MDN1: variants seen among roughly 807,000 people sequenced by gnomAD.
MDN1 encodes midasin AAA ATPase 1, also known as midasin.
MDN1 carries 266 observed loss-of-function variants against 669.2 expected under a neutral mutation model. The ratio of observed to expected loss-of-function variants is 0.40; its 90% CI spans 0.36 to 0.44. MDN1 has a LOEUF of 0.44. MDN1 is among the 20% of genes least tolerant of loss of function. MDN1 has a pLI of 1.00. For synonymous variants in MDN1, 2,385 were observed against 2,457.1 expected, an observed-to-expected ratio of 0.97 and a Z score of 0.87; for missense variants, 5,940 against 6,754.0, an observed-to-expected ratio of 0.88 and a Z score of 4.22.
At position 89,688,065 on chromosome 6, in the gene MDN1, G is replaced by C; in HGVS notation, c.11355+13C>G. ...ACCACCAACTAAAATGAGGAAGAGA[G>C]GTATTAGCTCACCTGTGCCTTTGCC... On this transcript the variant is annotated intron_variant, in intron 67 of 101. Coordinates refer to ENST00000369393, the MANE Select transcript of MDN1 (RefSeq NM_014611.3). The C allele has an allele frequency of 6.2e-7, 1 of 1,602,624 alleles. No homozygotes were observed. Among genetic ancestry groups the C allele is most frequent in the Non-Finnish European group, 8.6e-7 (1 of 1,169,566 alleles).
Position 89,727,944 on chromosome 6 carries a change from G to A in MDN1, c.5361C>T (p.Asp1787=), listed in dbSNP as rs1815342538. ...CAACAGGTAGATCTGCTCCAAACAG[G>A]TCTGTGATGTCCTTTGAAAGGGGAA... The part of the protein sequence containing the change: ...INLSEQTDIT[D]LFGADLPVEG... The change falls in exon 37 of 102, where the codon GAC becomes GAT. Residue 1787 remains aspartate (D), a synonymous_variant. Transcript: ENST00000369393. 3.1e-6 allele frequency: 5 copies of A among 1,611,772 alleles called. No homozygotes were observed. The East Asian group carries it at 1.1e-4, about 36-fold the overall frequency.
At chr6:89,673,151 G>C (rs1482042791) in intron 80 of MDN1, 85 bp downstream of exon 80, 2 of 1,193,982 alleles carry the variant, frequency 1.7e-6, no homozygotes, top group East Asian at 4.7e-5. Context: ...AAAATATAAT[G>C]TGTCTTTTGG....
intron 12 of MDN1, 140 bp downstream of exon 12, chr6:89,776,460 G>T: frequency 1.6e-6 from 1 of 610,928 alleles, no homozygotes; most frequent in Non-Finnish European, 2.8e-6. Flanking sequence ...GCCCACGAGA[G>T]GCTGCAATAA....
chr6:89,774,574 T>C, intron 13 of MDN1, 47 bp downstream of exon 13: 2 of 1,423,810 alleles, frequency 1.4e-6, no homozygotes, highest in East Asian at 4.6e-5. Context: ...TTCTGTCAAG[T>C]TTCTGGAAAC....
intron 48 of MDN1, 116 bp downstream of exon 48, chr6:89,712,459 G>T (rs967962382): frequency 6.3e-6 from 7 of 1,102,644 alleles, no homozygotes; most frequent in African/African-American, 1.6e-5. Context: ...AACTATGACA[G>T]CTACACAATA....
intron 75 of MDN1, 117 bp downstream of exon 75, chr6:89,678,482 A>C: frequency 8.2e-7 from 1 of 1,221,168 alleles, no homozygotes; most frequent in South Asian, 1.5e-5. Flanking sequence ...CCTTGCCTGT[A>C]CCTTCTGTTG....
intron 2 of MDN1, among the ~76,000 whole-genome samples, chr6:89,798,199 A>AAAAG (rs1562231459): frequency 1.3e-5 from 2 of 150,724 alleles, no homozygotes; most frequent in African/African-American, 2.4e-5. Flanking sequence ...AAAAAAAAAA[A>AAAAG]AAAGAAAGAA....
At chr6:89,648,464 C>T (rs1409718352) in intron 97 of MDN1, 135 bp from the exon 98 acceptor site, 8 of 743,358 alleles carry the variant, frequency 1.1e-5, no homozygotes, top group Middle Eastern at 7.5e-4. Context: ...ATCAGTAAGG[C>T]TACTATAGTC....
intron 75 of MDN1, 54 bp downstream of exon 75, chr6:89,678,545 C>A: frequency 6.3e-7 from 1 of 1,581,544 alleles, no homozygotes; most frequent in Non-Finnish European, 8.6e-7. Context: ...CATGTCATTT[C>A]TCTCCCTAAA....
chr6:89,701,800 G>T, intron 54 of MDN1, 104 bp downstream of exon 54: 1 of 1,517,228 alleles, frequency 6.6e-7, no homozygotes, highest in South Asian at 1.3e-5. Context: ...ATATGCCAAG[G>T]GAATAAACCA....
chr6:89,644,368 G>A (rs1479330470), intron 101 of MDN1, among the ~76,000 whole-genome samples, 175 bp from the exon 102 acceptor site: 2 of 152,098 alleles, frequency 1.3e-5, no homozygotes, highest in African/African-American at 2.4e-5. Context: ...TAAGAAGGAG[G>A]TAGATGTCTT....
At position 89,650,962 on chromosome 6, in the gene MDN1, AC is replaced by A. The variant is rs1209574077; in HGVS notation, c.15916-116del. ...AAAATGACCTGCATGAACTTTCTCA[AC>A]AGAAGCACTTTAAATCTTCTCCCAG... On this transcript the variant is annotated intron_variant, in intron 95 of 101. Coordinates refer to ENST00000369393, the MANE Select transcript of MDN1 (RefSeq NM_014611.3). 1.4e-5 allele frequency: 10 copies of A among 697,250 alleles called. No homozygotes were observed. In the African/African-American group the frequency reaches 1.6e-4, roughly 11 times the overall value. 43.2% of individuals were successfully genotyped at this position (697,250 alleles called of 1,614,324 possible).
In MDN1 at chr6:89,670,923, T is replaced by G; in HGVS notation, c.13952A>C (p.Gln4651Pro). The change falls in exon 83 of 102, where the codon CAG (glutamine) becomes CCG (proline). Residue 4651 changes from glutamine (Q) to proline (P), a missense_variant. Physicochemically the swap from Gln to Pro is moderately conservative, Grantham distance 76 (BLOSUM62 -1). Coordinates refer to ENST00000369393, the MANE Select transcript of MDN1 (RefSeq NM_014611.3). ...VLAQVFTELA[Q>P]KGFCLPKEFM... is the part of the protein sequence containing the mutation. The stretch of plus-strand genomic sequence containing the variant: ...CACCATGTGAACAGTCCTTACCTTC[T>G]GGGCAAGCTCTGTAAAGACCTGGGC... 1 of 1,614,086 alleles carries G rather than the reference T, an allele frequency of 6.2e-7. No individual in the cohort carries two copies. The highest frequency in any genetic ancestry group is 1.1e-5 in the South Asian group (1 of 91,072).
chr6:89,754,254 C>A, intron 20 of MDN1, 24 bp from the exon 21 acceptor site: 1 of 1,603,460 alleles, frequency 6.2e-7, no homozygotes. Flanking sequence ...AAAGGTCAGG[C>A]AATTTTATTT....
chr6:89,785,565 A>C (rs1319443390), intron 8 of MDN1, among the ~76,000 whole-genome samples: 2 of 152,222 alleles, frequency 1.3e-5, no homozygotes, highest in Non-Finnish European at 1.5e-5. Context: ...GTAGAGAAGG[A>C]ATATACATTA....
intron 66 of MDN1, 85 bp downstream of exon 66, chr6:89,688,488 T>A: frequency 1.6e-6 from 2 of 1,239,636 alleles, no homozygotes; most frequent in Non-Finnish European, 2.3e-6. Flanking sequence ...TATGTGCAAG[T>A]GGGTGCCCCC....
chr6:89,732,578 A>G lies in MDN1; in HGVS notation c.4921T>C (p.Tyr1641His), dbSNP rs1367628243. 1 of 1,614,134 alleles carries G rather than the reference A, an allele frequency of 6.2e-7. No homozygotes were observed. The highest frequency in any genetic ancestry group is 1.1e-5 in the South Asian group (1 of 91,080). ...TSFVHAACLV[Y>H]IDGIGSGVTS... is the part of the protein sequence containing the mutation. ...ATACCTGAACCTATTCCATCTATGT[A>G]CACCAGGCATGCAGCATGGACAAAA... The change falls in exon 34 of 102, where the codon TAC (tyrosine) becomes CAC (histidine). Residue 1641 changes from tyrosine to histidine, a missense_variant. By Grantham distance (83) the Tyr-to-His change is moderately conservative. This residue lies in a region of MDN1 where 2,292 missense variants were observed against 2,638.3 expected (regional missense o/e 0.87). Coordinates refer to ENST00000369393, the MANE Select transcript of MDN1 (RefSeq NM_014611.3).
At chr6:89,818,802 C>G (rs1355969236) in intron 1 of MDN1, among the ~76,000 whole-genome samples, 1 of 147,168 alleles carries the variant, frequency 6.8e-6, no homozygotes, top group Non-Finnish European at 1.5e-5. Context: ...AGCGAGACTC[C>G]GTCTCAAAAA....
intron 2 of MDN1, among the ~76,000 whole-genome samples, chr6:89,800,797 A>C (rs1357735280): frequency 6.6e-6 from 1 of 152,112 alleles, no homozygotes; most frequent in African/African-American, 2.4e-5. Flanking sequence ...AGGAATGATG[A>C]GATACTCTTG....
Sources: gnomAD v4.1 joint callset for allele counts (sites outside exome capture counted in the v4.1 genomes callset) on GRCh38, gnomAD v4.1.1 for gene constraint, gnomAD v4.1.1 regional missense constraint, MANE v1.5 for transcripts, NCBI Gene and HGNC (gene_info 2026-07-23, HGNC 2026-07-21) for gene names.